The following DLGAP2 variants were observed in gnomAD, a reference collection of about 807,000 sequenced individuals.
The protein encoded by DLGAP2 is DLG associated protein 2, also known as disks large-associated protein 2.
DLGAP2 carries 26 observed loss-of-function variants against 100.3 expected under a neutral mutation model. The ratio of observed to expected loss-of-function variants is 0.26; its 90% CI spans 0.19 to 0.36. The LOEUF (loss-of-function observed/expected upper bound fraction) is 0.36, where lower values mean the gene tolerates loss of function less well. Among genes scored for constraint, DLGAP2 ranks in the 10% least tolerant of loss-of-function variants. DLGAP2 has a pLI of 1.00. For synonymous variants in DLGAP2, 886 were observed against 630.1 expected (o/e 1.41, Z -6.08); for missense variants, 1,858 against 1,453.2 (o/e 1.28, Z -4.53).
chr8:1,453,906 C>T (rs984704247), intron 3 of DLGAP2, among the ~76,000 whole-genome samples: 1 of 152,204 alleles, frequency 6.6e-6, no homozygotes, highest in Non-Finnish European at 1.5e-5. Context: ...ATATTTTTGT[C>T]TTTGGGGTTT....
intron 1 of DLGAP2, among the ~76,000 whole-genome samples, chr8:852,374 C>T (rs530682766): frequency 3.3e-5 from 5 of 152,272 alleles, no homozygotes; most frequent in South Asian, 4.1e-4. Flanking sequence ...GCTTTTCACA[C>T]GTGATCTTCA....
rs571207795 is a variant in DLGAP2 at position 1,454,419 on chromosome 8, G to T, written c.107-46947G>T. On this transcript the variant is annotated intron_variant, in intron 3 of 14. Coordinates refer to ENST00000637795, the MANE Select transcript of DLGAP2 (RefSeq NM_001346810.2). ...TCCCTGCGTGAGTTTGAGGGCAAGGGTGTTCCTGCTGGCAACTTCACAGAG... is the reference window on the plus strand; with the variant it reads ...TCCCTGCGTGAGTTTGAGGGCAAGGTTGTTCCTGCTGGCAACTTCACAGAG... Among the ~76,000 whole-genome samples, 3 of 151,938 alleles carry T rather than the reference G, an allele frequency of 2.0e-5. No individual in the cohort carries two copies. The South Asian group carries it at 6.2e-4, about 32-fold the overall frequency.
intron 2 of DLGAP2, among the ~76,000 whole-genome samples, chr8:996,036 A>G (rs1398948838): frequency 2.6e-5 from 4 of 152,244 alleles, no homozygotes; most frequent in Non-Finnish European, 5.9e-5. Context: ...ATTGTCAGTT[A>G]CTTATCTGGA....
chr8:1,275,763 AATAT>A (rs1799670606), intron 3 of DLGAP2, among the ~76,000 whole-genome samples: 1 of 132,640 alleles, frequency 7.5e-6, no homozygotes, highest in Admixed American at 9.2e-5. Flanking sequence ...AATATATAAA[AATAT>A]ATATTATATA....
intron 1 of DLGAP2, among the ~76,000 whole-genome samples, chr8:905,619 C>G (rs1798363114): frequency 6.6e-6 from 1 of 152,162 alleles, no homozygotes; most frequent in Non-Finnish European, 1.5e-5. Context: ...AAAGGAGTCC[C>G]ACAGGCAGGA....
At chr8:1,338,080 C>T (rs1265984121) in intron 3 of DLGAP2, among the ~76,000 whole-genome samples, 1 of 152,190 alleles carries the variant, frequency 6.6e-6, no homozygotes, top group Non-Finnish European at 1.5e-5. Context: ...TCAGAGACAG[C>T]CCATGGGCAC....
intron 2 of DLGAP2, among the ~76,000 whole-genome samples, chr8:1,079,878 C>A (rs1383018845): frequency 6.6e-6 from 1 of 152,212 alleles, no homozygotes. Context: ...TTGGACGTGG[C>A]AGGCAGCTGG....
intron 2 of DLGAP2, among the ~76,000 whole-genome samples, chr8:1,118,653 A>G (rs779545944): frequency 6.6e-6 from 1 of 152,180 alleles, no homozygotes; most frequent in Non-Finnish European, 1.5e-5. Flanking sequence ...TACTGAGGGC[A>G]TTTTGTCAGT....
intron 3 of DLGAP2, among the ~76,000 whole-genome samples, chr8:1,371,010 G>A (rs1477820968): frequency 6.6e-6 from 1 of 152,216 alleles, no homozygotes; most frequent in Non-Finnish European, 1.5e-5. Flanking sequence ...TTATGTGTCA[G>A]CCACTTCTAA....
intron 2 of DLGAP2, among the ~76,000 whole-genome samples, chr8:1,027,178 C>T (rs1801824082): frequency 6.6e-6 from 1 of 152,190 alleles, no homozygotes; most frequent in Admixed American, 6.5e-5. Flanking sequence ...CATTATATTT[C>T]ACAGTTATAT....
intron 2 of DLGAP2, among the ~76,000 whole-genome samples, chr8:1,133,999 C>G (rs1051414922): frequency 6.6e-6 from 1 of 152,022 alleles, no homozygotes; most frequent in Non-Finnish European, 1.5e-5. Context: ...CCCTCCTCCC[C>G]CCTCCACCTC....
chr8:778,166 G>T (rs952459722), intron 1 of DLGAP2, among the ~76,000 whole-genome samples: 1 of 151,778 alleles, frequency 6.6e-6, no homozygotes, highest in African/African-American at 2.4e-5. Context: ...CATTCTTCAC[G>T]TAGTTCTTGA....
intron 3 of DLGAP2, among the ~76,000 whole-genome samples, chr8:1,290,966 A>G (rs1466902393): frequency 6.6e-6 from 1 of 152,206 alleles, no homozygotes; most frequent in African/African-American, 2.4e-5. Context: ...TCCCCCATCC[A>G]GCCACAGAAC....
chr8:1,074,831 A>G (rs1168048842), intron 2 of DLGAP2, among the ~76,000 whole-genome samples: 1 of 152,198 alleles, frequency 6.6e-6, no homozygotes, highest in Admixed American at 6.5e-5. Context: ...AGTACTGCCC[A>G]ACAAAGGGAT....
intron 2 of DLGAP2, among the ~76,000 whole-genome samples, chr8:1,215,131 G>A (rs1798186996): frequency 6.6e-6 from 1 of 152,074 alleles, no homozygotes; most frequent in African/African-American, 2.4e-5. Flanking sequence ...ACAAAAATAT[G>A]GTACAAAAGG....
chr8:1,096,792 T>C (rs550663337), intron 2 of DLGAP2, among the ~76,000 whole-genome samples: 1 of 95,050 alleles, frequency 1.1e-5, no homozygotes, highest in East Asian at 2.9e-4. Flanking sequence ...CATGGAGAGG[T>C]CCCCTCCAGT....
At chr8:1,624,497 A>T (rs1247304110) in intron 6 of DLGAP2, among the ~76,000 whole-genome samples, 1 of 151,978 alleles carries the variant, frequency 6.6e-6, no homozygotes, top group Non-Finnish European at 1.5e-5. Context: ...TCTCTTACAG[A>T]ATGAGTCCAC....
At chr8:1,382,789 G>A (rs1448309254) in intron 3 of DLGAP2, among the ~76,000 whole-genome samples, 1 of 152,148 alleles carries the variant, frequency 6.6e-6, no homozygotes, top group Non-Finnish European at 1.5e-5. Flanking sequence ...ATTGATTATA[G>A]CAAGAAATCA....
intron 2 of DLGAP2, among the ~76,000 whole-genome samples, chr8:1,054,373 C>T (rs1257647250): frequency 1.3e-5 from 2 of 152,010 alleles, no homozygotes; most frequent in African/African-American, 4.8e-5. Context: ...TTTCAGTGTC[C>T]GTATTAAATG....
Sources: allele counts gnomAD v4.1 joint callset (sites outside exome capture counted in the v4.1 genomes callset), GRCh38; gene constraint gnomAD v4.1.1; transcripts MANE v1.5; gene names NCBI Gene and HGNC (gene_info 2026-07-23, HGNC 2026-07-21).